Variants in PDE11A observed in about 807,000 individuals in gnomAD.
PDE11A encodes phosphodiesterase 11A.
Under a neutral mutation model 100.5 loss-of-function variants are expected in PDE11A, and 100 were observed. That is an observed-to-expected ratio of 1.00 (90% CI 0.85 to 1.18). PDE11A has a LOEUF of 1.18. Among genes scored for constraint, PDE11A ranks in the 50% most tolerant of loss-of-function variants. The probability of loss-of-function intolerance (pLI) is 0.00; values close to 1 mark genes in which losing one functional copy is unlikely to be tolerated. For synonymous variants in PDE11A, 381 were observed against 420.8 expected (o/e 0.91, Z 1.16); for missense variants, 1,141 against 1,152.6 (o/e 0.99, Z 0.15).
intron 2 of PDE11A, among the ~76,000 whole-genome samples, chr2:178,092,126 G>A (rs991361605): frequency 6.6e-6 from 1 of 152,016 alleles, no homozygotes. Context: ...CCAACCACAA[G>A]TTAATGAAAA....
chr2:178,106,521 A>G (rs1410506717), intron 1 of PDE11A, among the ~76,000 whole-genome samples: 2 of 152,214 alleles, frequency 1.3e-5, no homozygotes, highest in Non-Finnish European at 2.9e-5. Flanking sequence ...AGCACAGACC[A>G]TAGAGGATAA....
chr2:178,106,000 A>G (rs1356653073), intron 1 of PDE11A, among the ~76,000 whole-genome samples: 1 of 152,228 alleles, frequency 6.6e-6, no homozygotes, highest in Non-Finnish European at 1.5e-5. Context: ...TACTACAGAC[A>G]TCATGAAAAT....
At chr2:177,996,109 C>T (rs2086070646) in intron 2 of PDE11A, among the ~76,000 whole-genome samples, 1 of 151,934 alleles carries the variant, frequency 6.6e-6, no homozygotes, top group Admixed American at 6.6e-5. Flanking sequence ...TGCCCATAAT[C>T]CCAGCTACTT....
chr2:177,844,778 A>G (rs906168992), intron 5 of PDE11A, among the ~76,000 whole-genome samples: 8 of 151,218 alleles, frequency 5.3e-5, no homozygotes, highest in African/African-American at 1.5e-4. Context: ...TGTTTAACAA[A>G]GCACATCTTG....
intron 2 of PDE11A, among the ~76,000 whole-genome samples, chr2:177,987,905 A>G (rs55841094): frequency 0.16 from 24,805 of 152,188 alleles, 2,135 homozygotes; most frequent in Middle Eastern, 0.27. Flanking sequence ...TTTCTTCCCC[A>G]CTGTCACAGT....
At chr2:177,871,097 G>C (rs2084123403) in intron 5 of PDE11A, among the ~76,000 whole-genome samples, 1 of 152,056 alleles carries the variant, frequency 6.6e-6, no homozygotes. Flanking sequence ...CCACATAAAA[G>C]GTTTAACATT....
intron 19 of PDE11A, among the ~76,000 whole-genome samples, chr2:177,633,252 C>G (rs2079983040): frequency 6.6e-6 from 1 of 152,184 alleles, no homozygotes. Context: ...TGTGAAAAGC[C>G]TTCTCCAAGC....
intron 2 of PDE11A, among the ~76,000 whole-genome samples, chr2:178,002,581 A>C (rs2086158441): frequency 1.3e-5 from 2 of 152,162 alleles, no homozygotes. Flanking sequence ...TAAGGTACCT[A>C]GGAGGTATTA....
chr2:178,023,005 C>T (rs79664743), intron 1 of PDE11A, among the ~76,000 whole-genome samples: 2,060 of 152,224 alleles, frequency 0.014, 41 homozygotes, highest in African/African-American at 0.048. Context: ...GTATATAACA[C>T]GCAGCCATGA....
intron 9 of PDE11A, among the ~76,000 whole-genome samples, chr2:177,787,538 A>T (rs1303951864): frequency 1.3e-5 from 2 of 152,018 alleles, no homozygotes; most frequent in Non-Finnish European, 2.9e-5. Flanking sequence ...ACAAATAACA[A>T]TATTAACTTT....
At chr2:178,029,685 TATTGAAGACA>T (rs1249336276) in intron 1 of PDE11A, among the ~76,000 whole-genome samples, 1 of 152,152 alleles carries the variant, frequency 6.6e-6, no homozygotes, top group Admixed American at 6.5e-5. Flanking sequence ...AGGAAATATA[TATTGAAGACA>T]ATTGAAGACA....
chr2:177,726,448 C>T (rs2081600382), intron 12 of PDE11A, among the ~76,000 whole-genome samples: 1 of 152,054 alleles, frequency 6.6e-6, no homozygotes, highest in Non-Finnish European at 1.5e-5. Flanking sequence ...AAGAAATGAT[C>T]TCTTCCCTCA....
rs561345630 is a variant in PDE11A, at chr2:177,723,742, T to C, written c.2043+3916A>G. ...CTCAAAGTGCTAATGAGTACATTTATGGGATAGTAAAGAATACTGACTCTT... is the reference window on the plus strand; with the variant it reads ...CTCAAAGTGCTAATGAGTACATTTACGGGATAGTAAAGAATACTGACTCTT... On this transcript the variant is annotated intron_variant, in intron 12 of 19. Transcript: ENST00000286063. 2.3e-3 allele frequency among the ~76,000 whole-genome samples: 354 copies of C among 152,270 alleles called. 11 individuals are homozygous for C. Among genetic ancestry groups the C allele is most frequent in the Admixed American group, 0.023 (352 of 15,284 alleles).
At chr2:177,917,296 C>A (rs573725118) in intron 2 of PDE11A, among the ~76,000 whole-genome samples, 3 of 152,250 alleles carry the variant, frequency 2.0e-5, no homozygotes, top group Non-Finnish European at 2.9e-5. Flanking sequence ...GCTTTTGAAA[C>A]TTCTGTTCCC....
At chr2:177,969,936 G>A (rs966689766) in intron 2 of PDE11A, among the ~76,000 whole-genome samples, 14 of 152,124 alleles carry the variant, frequency 9.2e-5, no homozygotes, top group Non-Finnish European at 1.9e-4. Context: ...TTATGCTCAG[G>A]AGGGAAGTTA....
At chr2:177,998,127 C>A (rs1241492770) in intron 2 of PDE11A, 62 of 1,204,430 alleles carry the variant, frequency 5.1e-5, no homozygotes, top group Non-Finnish European at 7.4e-5. Flanking sequence ...CAGCCACCAA[C>A]TTTACAAGTT....
chr2:177,813,772 G>T (rs1037858011), intron 9 of PDE11A, among the ~76,000 whole-genome samples: 3 of 151,836 alleles, frequency 2.0e-5, no homozygotes, highest in African/African-American at 7.3e-5. Context: ...AAGATTCTAG[G>T]GTGGTTTTTG....
At chr2:177,845,140 C>G (rs540767659) in intron 5 of PDE11A, among the ~76,000 whole-genome samples, 4 of 151,508 alleles carry the variant, frequency 2.6e-5, no homozygotes, top group African/African-American at 7.2e-5. Flanking sequence ...CCTCACCTCC[C>G]GGACGGGGCG....
At chr2:177,839,176 C>T (rs1046238477) in intron 6 of PDE11A, among the ~76,000 whole-genome samples, 1 of 152,180 alleles carries the variant, frequency 6.6e-6, no homozygotes, top group Admixed American at 6.5e-5. Flanking sequence ...CCTGCCATCA[C>T]CATGTCCTGG....
Sources: gnomAD v4.1 joint callset for allele counts (sites outside exome capture counted in the v4.1 genomes callset) on GRCh38, gnomAD v4.1.1 for gene constraint, MANE v1.5 for transcripts, NCBI Gene and HGNC (gene_info 2026-07-23, HGNC 2026-07-21) for gene names.